PDE10A: variants seen among roughly 807,000 people sequenced by gnomAD.
The protein encoded by PDE10A is cAMP and cAMP-inhibited cGMP 3',5'-cyclic phosphodiesterase 10A.
Under a neutral mutation model 97.7 loss-of-function variants are expected in PDE10A, and 39 were observed. The ratio of observed to expected loss-of-function variants is 0.40; its 90% CI spans 0.31 to 0.52. PDE10A has a LOEUF of 0.52. Ranked by LOEUF, PDE10A falls within the 20% of genes least tolerant of loss-of-function variation. PDE10A has a pLI of 0.56. For missense variants in PDE10A, 731 were observed against 1,047.8 expected, an observed-to-expected ratio of 0.70 and a Z score of 4.17; for synonymous variants, 371 against 376.8, an observed-to-expected ratio of 0.98 and a Z score of 0.18.
chr6:165,425,230 T>C (rs1020258815), intron 10 of PDE10A, among the ~76,000 whole-genome samples: 1 of 151,852 alleles, frequency 6.6e-6, no homozygotes, highest in African/African-American at 2.4e-5. Context: ...AACAATTTTT[T>C]AAAAAAAACT....
intron 1 of PDE10A, among the ~76,000 whole-genome samples, chr6:165,564,422 G>A (rs1784676456): frequency 6.7e-6 from 1 of 149,576 alleles, no homozygotes; most frequent in Admixed American, 6.6e-5. Context: ...ACAACGAAAT[G>A]TTGTTGAAAA....
intron 1 of PDE10A, among the ~76,000 whole-genome samples, chr6:165,910,057 G>T (rs1215843794): frequency 6.6e-6 from 1 of 152,146 alleles, no homozygotes; most frequent in Non-Finnish European, 1.5e-5. Context: ...AAGGCTCGGG[G>T]ATTTTACTCT....
At chr6:165,666,269 CT>C (rs1416853555), upstream of PDE10A, among the ~76,000 whole-genome samples, 1 of 152,196 alleles carries the variant, frequency 6.6e-6, no homozygotes, top group East Asian at 1.9e-4. Flanking sequence ...CTTGAAAACC[CT>C]GTTTCCTTTT....
intron 1 of PDE10A, among the ~76,000 whole-genome samples, chr6:165,750,033 C>T (rs2088086): frequency 0.11 from 16,207 of 152,066 alleles, 1,078 homozygotes; most frequent in African/African-American, 0.19. Flanking sequence ...TAAGCTTCTC[C>T]GGGGGCAGTT....
chr6:165,420,526 T>C (rs920888036), intron 10 of PDE10A, among the ~76,000 whole-genome samples: 4 of 152,194 alleles, frequency 2.6e-5, no homozygotes, highest in Non-Finnish European at 5.9e-5. Flanking sequence ...TTTTAAATTA[T>C]TAAGTAACAA....
At chr6:165,562,011 C>T (rs1583544970) in intron 1 of PDE10A, among the ~76,000 whole-genome samples, 1 of 152,040 alleles carries the variant, frequency 6.6e-6, no homozygotes, top group African/African-American at 2.4e-5. Context: ...TAGCTCATGC[C>T]TGTAATCCCA....
intron 3 of PDE10A, among the ~76,000 whole-genome samples, chr6:165,466,108 A>T (rs1327183837): frequency 6.6e-6 from 1 of 152,238 alleles, no homozygotes; most frequent in Non-Finnish European, 1.5e-5. Flanking sequence ...TTGAAAACAC[A>T]TCATTAGCTC....
At chr6:165,428,857 A>T in intron 9 of PDE10A, 148 bp from the exon 10 acceptor site, 1 of 513,436 alleles carries the variant, frequency 1.9e-6, no homozygotes, top group South Asian at 2.9e-5. Context: ...GGCAAAAAAA[A>T]AAATCAGTAC....
Position 165,331,471 on chromosome 6 carries a change from A to G in PDE10A, c.*1554T>C, listed in dbSNP as rs1781337782. 1 of 152,190 alleles carries G rather than the reference A, an allele frequency of 6.6e-6. No individual in the cohort carries two copies. The highest frequency in any genetic ancestry group is 2.1e-4 in the South Asian group (1 of 4,830). The allele number at this position is 152,190 out of a possible 1,614,324, so 9.4% of individuals were successfully genotyped here. ...AAGCCTCTGATTTAATTTTGCACAA[A>G]CCAGGCTCATATGAACAAAACGCCT... On this transcript the variant is annotated 3_prime_UTR_variant, in exon 22 of 22. Transcript: ENST00000539869.
chr6:165,336,527 A>G (rs1639457121), intron 20 of PDE10A, among the ~76,000 whole-genome samples: 1 of 152,100 alleles, frequency 6.6e-6, no homozygotes, highest in Non-Finnish European at 1.5e-5. Context: ...AGGCGGGTGG[A>G]TCACGAGGTC....
chr6:165,528,320 CCT>C (rs1323113002), intron 2 of PDE10A, among the ~76,000 whole-genome samples: 12 of 152,172 alleles, frequency 7.9e-5, no homozygotes, highest in Non-Finnish European at 1.5e-4. Flanking sequence ...CACCACTCAG[CCT>C]CTTTCCCCAG....
In PDE10A at chr6:165,445,892, T is replaced by TAGAGAG. The variant is rs145999232; in HGVS notation, c.1194+3030_1194+3035dup. ...CCCATGGAAGAATAGAATTCACAGTTAGAGAGAGAGAGAGAGAGAGAGAGA... is the reference window on the plus strand; with the variant it reads ...CCCATGGAAGAATAGAATTCACAGTTAGAGAGAGAGAGAGAGAGAGAGAGAGAGAGA... On this transcript the variant is annotated intron_variant, in intron 5 of 21. Transcript: ENST00000539869. Among the ~76,000 whole-genome samples the TAGAGAG allele has an allele frequency of 1.6e-3, 229 of 144,898 alleles. 1 individual carries two copies. Among genetic ancestry groups the TAGAGAG allele is most frequent in the East Asian group, 0.011 (54 of 4,910 alleles).
intron 1 of PDE10A, among the ~76,000 whole-genome samples, chr6:165,693,528 CA>C (rs55830575): frequency 4.4e-3 from 248 of 56,750 alleles, no homozygotes; most frequent in African/African-American, 0.014. Context: ...GAGGCTCCAC[CA>C]AAAAAAAAAA....
chr6:165,487,560 CCCT>C (rs1176532914), intron 2 of PDE10A, among the ~76,000 whole-genome samples: 1 of 152,160 alleles, frequency 6.6e-6, no homozygotes, highest in Non-Finnish European at 1.5e-5. Context: ...CAAAACTGGT[CCCT>C]GGTGCCAAAA....
At chr6:165,801,906 T>C (rs1265477720) in intron 1 of PDE10A, among the ~76,000 whole-genome samples, 1 of 152,114 alleles carries the variant, frequency 6.6e-6, no homozygotes, top group Non-Finnish European at 1.5e-5. Flanking sequence ...ACCCATTATA[T>C]GCCAAAGGTG....
At chr6:165,919,104 C>G (rs1348983638) in intron 1 of PDE10A, among the ~76,000 whole-genome samples, 1 of 152,184 alleles carries the variant, frequency 6.6e-6, no homozygotes, top group East Asian at 1.9e-4. Flanking sequence ...TGTAATTACT[C>G]AATCTTTCCC....
chr6:165,715,203 T>G (rs928365410), intron 1 of PDE10A, among the ~76,000 whole-genome samples: 2 of 152,212 alleles, frequency 1.3e-5, no homozygotes, highest in Non-Finnish European at 2.9e-5. Flanking sequence ...GCGCCCTCAT[T>G]CACTCGCAGC....
intron 1 of PDE10A, among the ~76,000 whole-genome samples, chr6:165,800,959 T>C (rs1778969925): frequency 6.6e-6 from 1 of 152,182 alleles, no homozygotes; most frequent in Admixed American, 6.5e-5. Flanking sequence ...CTCCATCACC[T>C]GGCTCCTGGC....
intron 1 of PDE10A, among the ~76,000 whole-genome samples, chr6:165,698,307 G>A (rs776908176): frequency 1.3e-5 from 2 of 152,142 alleles, no homozygotes; most frequent in Non-Finnish European, 2.9e-5. Flanking sequence ...ACTATGGTAA[G>A]CCTTACATTC....
Sources: gnomAD v4.1 joint callset for allele counts (sites outside exome capture counted in the v4.1 genomes callset) on GRCh38, gnomAD v4.1.1 for gene constraint, MANE v1.5 for transcripts, NCBI Gene and HGNC (gene_info 2026-07-23, HGNC 2026-07-21) for gene names.